DLAT: variants seen among roughly 807,000 people sequenced by gnomAD.
DLAT encodes the protein dihydrolipoyllysine-residue acetyltransferase component of pyruvate dehydrogenase complex, mitochondrial.
Under a neutral mutation model 68.0 loss-of-function variants are expected in DLAT, and 43 were observed. The ratio of observed to expected loss-of-function variants is 0.63; its 90% CI spans 0.50 to 0.81. The LOEUF (loss-of-function observed/expected upper bound fraction) is 0.81. DLAT is among the 40% of genes least tolerant of loss of function. The pLI, the probability that DLAT is intolerant of heterozygous loss-of-function variation, is 0.00. For missense variants in DLAT, 745 were observed against 815.4 expected, an observed-to-expected ratio of 0.91 and a Z score of 1.05; for synonymous variants, 265 against 288.6, an observed-to-expected ratio of 0.92 and a Z score of 0.83.
intron 4 of DLAT, among the ~76,000 whole-genome samples, chr11:112,029,394 A>G (rs1205061510): frequency 6.6e-6 from 1 of 152,194 alleles, no homozygotes; most frequent in Non-Finnish European, 1.5e-5. Context: ...GGGCGCCAGC[A>G]TCTGTTTCTC....
rs782302378 is a variant in DLAT at position 112,026,286 on chromosome 11, A to C, written c.368A>C (p.Asp123Ala). Residue 123 changes from aspartate (D) to alanine (A), a missense_variant, in exon 2 of 14, where the codon GAC (aspartate) becomes GCC (alanine). Coordinates refer to ENST00000280346, the MANE Select transcript of DLAT (RefSeq NM_001931.5). ...GAGGGGGACAAAATCAATGAAGGTG[A>C]CCTAATTGCAGAGGTAAGTTTTTTT... Reference protein sequence around the residue: ...KKEGDKINEGDLIAEVETDKA... With the variant: ...KKEGDKINEGALIAEVETDKA... The C allele has an allele frequency of 1.3e-6, 2 of 1,577,158 alleles. No individual in the cohort carries two copies. The highest frequency in any genetic ancestry group is 3.4e-5 in the Admixed American group (2 of 58,308).
chr11:112,045,183 G>C lies in DLAT; in HGVS notation c.1243G>C (p.Val415Leu), dbSNP rs370758450. 1 of 1,614,018 alleles carries C rather than the reference G, an allele frequency of 6.2e-7. No homozygotes were observed. The highest frequency in any genetic ancestry group is 1.3e-5 in the African/African-American group (1 of 74,920). The change falls in exon 9 of 14, where the codon GTT becomes CTT. Residue 415 changes from valine to leucine, a missense_variant. Physicochemically the swap from Val to Leu is conservative, Grantham distance 32. Coordinates refer to ENST00000280346, the MANE Select transcript of DLAT (RefSeq NM_001931.5). ...VPPTGPGMAP[V>L]PTGVFTDIPI... ...TCCCACAGGTCCTGGAATGGCACCA[G>C]TTCCTACAGGTGTCTTCACAGATAT...
chr11:112,061,228 C>T, intron 13 of DLAT, 54 bp downstream of exon 13: 1 of 1,603,386 alleles, frequency 6.2e-7, no homozygotes, highest in Admixed American at 1.7e-5. Flanking sequence ...ACACTGTACA[C>T]TTGTCCTGTG....
intron 5 of DLAT, among the ~76,000 whole-genome samples, chr11:112,035,936 G>A (rs1459295779): frequency 3.0e-5 from 4 of 131,816 alleles, no homozygotes; most frequent in Non-Finnish European, 3.2e-5. Flanking sequence ...GATTACAGGC[G>A]CCTGCCACCA....
intron 4 of DLAT, chr11:112,032,529 T>A (rs1433893913): frequency 6.6e-6 from 1 of 152,184 alleles, no homozygotes; most frequent in Non-Finnish European, 1.5e-5. Flanking sequence ...GAATTTGTTG[T>A]CCTTGCGCAG....
intron 10 of DLAT, among the ~76,000 whole-genome samples, chr11:112,049,619 G>A (rs587740248): frequency 7.9e-5 from 12 of 151,184 alleles, no homozygotes; most frequent in Non-Finnish European, 1.2e-4. Context: ...TGAGAAGGGC[G>A]GAAGAGTAGA....
chr11:112,048,027 A>G (rs1440942509), intron 10 of DLAT, among the ~76,000 whole-genome samples: 2 of 152,190 alleles, frequency 1.3e-5, no homozygotes, highest in Non-Finnish European at 2.9e-5. Context: ...CTTGATGAAG[A>G]TAGCATTGAA....
Position 112,063,652 on chromosome 11 carries a change from G to A in DLAT, c.*1117G>A, listed in dbSNP as rs1213385238. ...TCCTTCTACTCCAGCATCGTCTCAT[G>A]TAAAATAAGAAAGCCCTAAAATACT... On this transcript the variant is annotated 3_prime_UTR_variant, in exon 14 of 14. Coordinates refer to ENST00000280346, the MANE Select transcript of DLAT (RefSeq NM_001931.5). 2 of 152,214 alleles carry A rather than the reference G, an allele frequency of 1.3e-5. No homozygotes were observed. The highest frequency in any genetic ancestry group is 6.5e-5 in the Admixed American group (1 of 15,274). The allele number at this position is 152,214 out of a possible 1,614,324, so 9.4% of individuals were successfully genotyped here.
intron 7 of DLAT, among the ~76,000 whole-genome samples, chr11:112,041,902 A>G (rs972601591): frequency 6.6e-6 from 1 of 151,930 alleles, no homozygotes; most frequent in Admixed American, 6.6e-5. Flanking sequence ...AAAAAAGGCC[A>G]GTGTTAATGA....
At chr11:112,032,218 A>G (rs1478398218) in intron 4 of DLAT, among the ~76,000 whole-genome samples, 1 of 151,162 alleles carries the variant, frequency 6.6e-6, no homozygotes, top group African/African-American at 2.4e-5. Flanking sequence ...TTGAATGATC[A>G]TCATGCCACT....
At chr11:112,030,726 A>T (rs1862346894) in intron 4 of DLAT, among the ~76,000 whole-genome samples, 3 of 152,214 alleles carry the variant, frequency 2.0e-5, no homozygotes, top group African/African-American at 7.2e-5. Flanking sequence ...TGTGCTTTAG[A>T]TGTTAAAAGT....
chr11:112,043,607 A>G (rs976951289), intron 8 of DLAT, 74 bp downstream of exon 8: 5 of 1,222,676 alleles, frequency 4.1e-6, no homozygotes, highest in African/African-American at 3.0e-5. Context: ...TACATTATTT[A>G]TGAACGAAAT....
At chr11:112,038,803 G>A (rs372206151) in intron 6 of DLAT, among the ~76,000 whole-genome samples, 93 of 151,290 alleles carry the variant, frequency 6.1e-4, no homozygotes, top group African/African-American at 1.6e-3. Flanking sequence ...CCAAGTTTGC[G>A]CCACTGCACT....
chr11:112,058,678 T>C (rs1864302568), intron 11 of DLAT, among the ~76,000 whole-genome samples: 2 of 151,558 alleles, frequency 1.3e-5, no homozygotes, highest in Admixed American at 1.3e-4. Context: ...CATTTCTTCC[T>C]TTTATAAATG....
chr11:112,026,362 T>C, intron 2 of DLAT, 63 bp downstream of exon 2: 2 of 959,842 alleles, frequency 2.1e-6, no homozygotes, highest in South Asian at 2.0e-5. Context: ...TTCTTGGGTG[T>C]TTCTCGCAGA....
rs781963528 is a variant in DLAT, at chr11:112,025,497, G to A, written c.25G>A (p.Ala9Thr). Residue 9 changes from alanine (A) to threonine (T), a missense_variant, in exon 1 of 14, where the codon GCT becomes ACT. Transcript: ENST00000280346. ...TATGTGGCGCGTCTGTGCGCGACGG[G>A]CTCAGAATGTAGCCCCATGGGCGGG... MWRVCARRAQNVAPWAGLE... is the reference protein window; with the variant it reads MWRVCARRTQNVAPWAGLE... 1 of 1,613,714 alleles carries A rather than the reference G, an allele frequency of 6.2e-7. No homozygotes were observed. Among genetic ancestry groups the A allele is most frequent in the African/African-American group, 1.3e-5 (1 of 75,032 alleles).
chr11:112,053,174 T>C (rs1183643805), intron 11 of DLAT, among the ~76,000 whole-genome samples: 1 of 151,922 alleles, frequency 6.6e-6, no homozygotes, highest in African/African-American at 2.4e-5. Context: ...ATACAAAAAT[T>C]AGCTGAGCGT....
At chr11:112,048,969 A>AT (rs34651095) in intron 10 of DLAT, among the ~76,000 whole-genome samples, 1,804 of 93,672 alleles carry the variant, frequency 0.019, 58 homozygotes, top group African/African-American at 0.031. Flanking sequence ...TTTTCTCAAG[A>AT]TTTTTTTTTT....
chr11:112,028,804 T>C lies in DLAT; in HGVS notation c.519T>C (p.Ile173=). 1 of 1,614,168 alleles carries C rather than the reference T, an allele frequency of 6.2e-7. No homozygotes were observed. Among genetic ancestry groups the C allele is most frequent in the Admixed American group, 1.7e-5 (1 of 60,024 alleles). ...ICITVGKPED[I]EAFKNYTLDS... Reference sequence around the variant, plus strand: ...TTCTCTTCCTTAGGCCTGAGGATATTGAGGCCTTTAAAAATTATACACTGG... The same window carrying C: ...TTCTCTTCCTTAGGCCTGAGGATATCGAGGCCTTTAAAAATTATACACTGG... Residue 173 remains isoleucine, a synonymous_variant, in exon 4 of 14, where the codon ATT becomes ATC. Transcript: ENST00000280346.
Sources: gnomAD v4.1 joint callset for allele counts (sites outside exome capture counted in the v4.1 genomes callset) on GRCh38, gnomAD v4.1.1 for gene constraint, MANE v1.5 for transcripts, NCBI Gene and HGNC (gene_info 2026-07-23, HGNC 2026-07-21) for gene names.